Variants in KIF16B observed in about 807,000 individuals in gnomAD.
KIF16B encodes the protein kinesin-like protein KIF16B.
In KIF16B, 98 loss-of-function variants were observed where a neutral mutation model predicts 156.3. The ratio of observed to expected loss-of-function variants is 0.63; its 90% CI spans 0.53 to 0.74. The LOEUF (loss-of-function observed/expected upper bound fraction) is 0.74. Ranked by LOEUF, KIF16B falls within the 30% of genes least tolerant of loss-of-function variation. The pLI, the probability that KIF16B is intolerant of heterozygous loss-of-function variation, is 0.00. For missense variants in KIF16B, 1,421 were observed against 1,606.5 expected (o/e 0.88, Z 1.97); for synonymous variants, 564 against 583.7 (o/e 0.97, Z 0.49).
chr20:16,503,202 C>T (rs2068675237), intron 10 of KIF16B, among the ~76,000 whole-genome samples: 1 of 152,132 alleles, frequency 6.6e-6, no homozygotes, highest in Non-Finnish European at 1.5e-5. Context: ...CACAGTGAGA[C>T]TCTATCTCAA....
intron 2 of KIF16B, among the ~76,000 whole-genome samples, chr20:16,526,998 G>A (rs6034518): frequency 0.24 from 35,790 of 152,100 alleles, 4,859 homozygotes; most frequent in East Asian, 0.34. Context: ...CAGAGTAATC[G>A]AGGAAAATAG....
chr20:16,416,947 A>G (rs1287338206), intron 15 of KIF16B, among the ~76,000 whole-genome samples: 1 of 152,106 alleles, frequency 6.6e-6, no homozygotes, highest in Admixed American at 6.5e-5. Flanking sequence ...CAGTGGGCCC[A>G]TGAGGAAAGG....
At chr20:16,338,567 C>T (rs1303432018) in intron 23 of KIF16B, among the ~76,000 whole-genome samples, 1 of 152,212 alleles carries the variant, frequency 6.6e-6, no homozygotes, top group Non-Finnish European at 1.5e-5. Context: ...CCTCACTCAA[C>T]TTGAAAACCA....
intron 25 of KIF16B, among the ~76,000 whole-genome samples, chr20:16,307,027 G>A (rs1328979295): frequency 6.6e-6 from 1 of 152,084 alleles, no homozygotes; most frequent in Non-Finnish European, 1.5e-5. Flanking sequence ...CATTTCTTTC[G>A]ATCTATCTTA....
At chr20:16,425,320 A>C (rs1213625398) in intron 15 of KIF16B, among the ~76,000 whole-genome samples, 1 of 152,172 alleles carries the variant, frequency 6.6e-6, no homozygotes, top group Non-Finnish European at 1.5e-5. Flanking sequence ...AATGATAAAA[A>C]ACAGACCAAA....
intron 24 of KIF16B, among the ~76,000 whole-genome samples, chr20:16,328,963 A>T (rs1439983409): frequency 2.0e-5 from 3 of 152,200 alleles, no homozygotes; most frequent in Non-Finnish European, 4.4e-5. Context: ...TTCAGTCCAT[A>T]GCAGTGCTCA....
intron 12 of KIF16B, among the ~76,000 whole-genome samples, chr20:16,431,798 A>G (rs994409005): frequency 2.0e-5 from 3 of 151,426 alleles, no homozygotes; most frequent in African/African-American, 7.3e-5. Flanking sequence ...ATCACCCCAT[A>G]CAAAATAGCA....
At chr20:16,442,245 G>T (rs574458248) in intron 12 of KIF16B, among the ~76,000 whole-genome samples, 1 of 152,134 alleles carries the variant, frequency 6.6e-6, no homozygotes, top group African/African-American at 2.4e-5. Flanking sequence ...GAAAAATGCT[G>T]AGAGAGTGGA....
At chr20:16,371,482 T>G (rs577580814) in intron 21 of KIF16B, among the ~76,000 whole-genome samples, 183 bp downstream of exon 21, 38 of 151,064 alleles carry the variant, frequency 2.5e-4, no homozygotes, top group Admixed American at 2.4e-3. Flanking sequence ...TCCCAGCTAC[T>G]TGGGAGGCTG....
Position 16,367,139 on chromosome 20 carries a change from C to T in KIF16B, c.3498+3447G>A, listed in dbSNP as rs749589333. 7.1e-6 allele frequency: 11 copies of T among 1,555,160 alleles called. No individual in the cohort carries two copies. The African/African-American group carries it at 1.5e-4, about 21-fold the overall frequency. ...AAACATGTAGTGCATCTTTAAAAGT[C>T]TCCTCCTTAGAGTCTTGTCAAATGT... On this transcript the variant is annotated intron_variant, in intron 22 of 25. Transcript: ENST00000354981.
In KIF16B at chr20:16,272,550, G is replaced by C. The variant is rs2062999459; in HGVS notation, c.*703C>G. On this transcript the variant is annotated 3_prime_UTR_variant, in exon 26 of 26. Transcript: ENST00000354981. Reference sequence around the variant, plus strand: ...CATTTAGATTTGGGAGAATGTTCTTGAATATTCAAGGTTAAATAAATATCC... The same window carrying C: ...CATTTAGATTTGGGAGAATGTTCTTCAATATTCAAGGTTAAATAAATATCC... The C allele has an allele frequency of 6.6e-6, 1 of 152,602 alleles. No individual in the cohort carries two copies. Among genetic ancestry groups the C allele is most frequent in the African/African-American group, 2.4e-5 (1 of 41,440 alleles). The allele number at this position is 152,602 out of a possible 1,614,324, so 9.5% of individuals were successfully genotyped here. A position where few individuals can be genotyped will look rare whatever the true frequency, so the allele number is the denominator to read the frequency against.
At position 16,416,568 on chromosome 20, in the gene KIF16B, C is replaced by A. The variant is rs531847624; in HGVS notation, c.1613-10112G>T. On this transcript the variant is annotated intron_variant, in intron 15 of 25. Transcript: ENST00000354981. Reference sequence around the variant, plus strand: ...GGGAGGGGAACACCACACACTGGGGCCTGTTGTGGGAGGGTGGGGTGCGGA... The same window carrying A: ...GGGAGGGGAACACCACACACTGGGGACTGTTGTGGGAGGGTGGGGTGCGGA... Among the ~76,000 whole-genome samples the A allele has an allele frequency of 4.6e-5, 7 of 152,046 alleles. No homozygotes were observed. The East Asian group carries it at 1.4e-3, about 30-fold the overall frequency.
chr20:16,449,046 G>A (rs1026823398), intron 12 of KIF16B, among the ~76,000 whole-genome samples: 2 of 151,952 alleles, frequency 1.3e-5, no homozygotes, highest in Non-Finnish European at 2.9e-5. Context: ...AAAGTGTCAA[G>A]AATAAATAGA....
intron 19 of KIF16B, 83 bp from the exon 20 acceptor site, chr20:16,374,492 C>G: frequency 8.0e-7 from 1 of 1,257,486 alleles, no homozygotes. Flanking sequence ...CTTTAGATAG[C>G]ATGGGGGAAC....
intron 2 of KIF16B, among the ~76,000 whole-genome samples, chr20:16,526,978 C>T (rs917019864): frequency 9.2e-5 from 14 of 152,132 alleles, no homozygotes; most frequent in African/African-American, 3.4e-4. Flanking sequence ...TTAAAAAACT[C>T]AAAAAGCAAC....
chr20:16,515,653 G>A lies in KIF16B; in HGVS notation c.243C>T (p.Thr81=), dbSNP rs751948015. ...DYVSQEMVFK[T]LGTDVVKSAF... Reference sequence around the variant, plus strand: ...CAGACTTCACGACATCTGTGCCGAGGGTTTTGAAAACCTGAAAGCCAAAAA... The same window carrying A: ...CAGACTTCACGACATCTGTGCCGAGAGTTTTGAAAACCTGAAAGCCAAAAA... Residue 81 remains threonine (T), a synonymous_variant, in exon 4 of 26, where the codon ACC becomes ACT. Transcript: ENST00000354981. The A allele has an allele frequency of 1.3e-5, 21 of 1,607,790 alleles. No homozygotes were observed. The highest frequency in any genetic ancestry group is 1.7e-5 in the Non-Finnish European group (20 of 1,176,036).
At chr20:16,381,845 G>T in intron 17 of KIF16B, 98 bp from the exon 18 acceptor site, 2 of 986,628 alleles carry the variant, frequency 2.0e-6, no homozygotes, top group Non-Finnish European at 3.0e-6. Context: ...AAGGGCATCA[G>T]TTTTTCAAGT....
In KIF16B at chr20:16,370,692, G is replaced by C. The variant is rs549605424; in HGVS notation, c.3448-56C>G. 4.3e-5 allele frequency: 56 copies of C among 1,302,710 alleles called. 1 individual carries two copies. In the South Asian group the frequency reaches 6.0e-4, roughly 14 times the overall value. The allele number at this position is 1,302,710 out of a possible 1,614,324, so 80.7% of individuals were successfully genotyped here. ...AAATTATAGCAAGTTCACGGGGCGG[G>C]GGACTGATTCGATTACAAGTATTTA... On this transcript the variant is annotated intron_variant, in intron 21 of 25. Transcript: ENST00000354981.
intron 10 of KIF16B, among the ~76,000 whole-genome samples, chr20:16,501,379 C>A (rs1372020083): frequency 8.0e-6 from 1 of 124,978 alleles, no homozygotes; most frequent in Admixed American, 7.6e-5. Flanking sequence ...AGAATTTAAC[C>A]GGCACTTCTA....
Sources: gnomAD v4.1 joint callset for allele counts (sites outside exome capture counted in the v4.1 genomes callset) on GRCh38, gnomAD v4.1.1 for gene constraint, MANE v1.5 for transcripts, NCBI Gene and HGNC (gene_info 2026-07-23, HGNC 2026-07-21) for gene names.